Variants in DNAH3 observed in about 807,000 individuals in gnomAD.
DNAH3 encodes dynein axonemal heavy chain 3, also known as axonemal beta dynein heavy chain 3.
In DNAH3, 332 loss-of-function variants were observed where a neutral mutation model predicts 432.5. That is an observed-to-expected ratio of 0.77 (90% CI 0.70 to 0.84). DNAH3 has a LOEUF of 0.84. Ranked by LOEUF, DNAH3 falls within the 40% of genes least tolerant of loss-of-function variation. The pLI is 0.00. For missense variants in DNAH3, 4,861 were observed against 5,114.0 expected, an observed-to-expected ratio of 0.95 and a Z score of 1.51; for synonymous variants, 1,956 against 1,900.2, an observed-to-expected ratio of 1.03 and a Z score of -0.76.
In DNAH3 at chr16:20,964,956, TC is replaced by T. The variant is rs1567542268; in HGVS notation, c.8927del (p.Gly2976GlufsTer20). On this transcript the variant is annotated frameshift_variant, in exon 53 of 62. Coordinates refer to ENST00000261383, the Ensembl canonical transcript of DNAH3. LOFTEE classifies it high-confidence loss of function. ...CAGCTTCGGTCCATCTGTCCTTCTC[TC>T]CCCCAAGACCACTGATCAGTTTCTC... The T allele has an allele frequency of 1.2e-6, 2 of 1,614,082 alleles. No individual in the cohort carries two copies. Among genetic ancestry groups the T allele is most frequent in the East Asian group, 4.5e-5 (2 of 44,882 alleles).
rs765606113 is a variant in DNAH3 at position 21,039,851 on chromosome 16, C to T, written c.4730+1G>A. On this transcript the variant is annotated splice_donor_variant, in intron 33 of 61. Transcript: ENST00000261383. LOFTEE classifies it high-confidence loss of function. ...TGCACTGGAAAACCCATGTAACACA[C>T]CTTCTGGAGTCCAGAAACCCCATGG... The T allele has an allele frequency of 6.2e-7, 1 of 1,608,410 alleles. No individual in the cohort carries two copies. The highest frequency in any genetic ancestry group is 8.5e-7 in the Non-Finnish European group (1 of 1,174,860).
chr16:21,131,726 T>A (rs1451500478), intron 7 of DNAH3, among the ~76,000 whole-genome samples: 1 of 151,646 alleles, frequency 6.6e-6, no homozygotes, highest in Non-Finnish European at 1.5e-5. Flanking sequence ...TGGTGGCACA[T>A]GCCTGTAATC....
intron 40 of DNAH3, 96 bp downstream of exon 40, chr16:21,021,875 C>G: frequency 6.9e-7 from 1 of 1,450,666 alleles, no homozygotes; most frequent in South Asian, 1.3e-5. Context: ...TGCACTCTAG[C>G]CTTGGTGACA....
At chr16:20,979,755 ATATT>A (rs1247760185) in intron 49 of DNAH3, among the ~76,000 whole-genome samples, 1 of 152,022 alleles carries the variant, frequency 6.6e-6, no homozygotes. Flanking sequence ...AAATGATTTT[ATATT>A]TATTTATTGA....
At chr16:21,129,850 C>T (rs2092521436) in intron 7 of DNAH3, 2 of 151,966 alleles carry the variant, frequency 1.3e-5, no homozygotes, top group African/African-American at 4.8e-5. Context: ...AGCAGCCCCA[C>T]CCCAGCCCCA....
At chr16:21,025,356 TATATAATAGC>T (rs1436578081) in intron 38 of DNAH3, among the ~76,000 whole-genome samples, 1 of 148,218 alleles carries the variant, frequency 6.7e-6, no homozygotes, top group African/African-American at 2.5e-5. Context: ...AATAATATAG[TATATAATAGC>T]ATATAACCAT....
chr16:21,120,538 C>G, intron 11 of DNAH3: 1 of 603,988 alleles, frequency 1.7e-6, no homozygotes, highest in South Asian at 2.0e-5. Flanking sequence ...CTTCACTAAC[C>G]AGTTCAGAGA....
At chr16:20,998,893 A>G (rs558618165) in intron 43 of DNAH3, among the ~76,000 whole-genome samples, 5 of 152,284 alleles carry the variant, frequency 3.3e-5, no homozygotes, top group South Asian at 2.1e-4. Flanking sequence ...GGAAGATAGT[A>G]TTAACTCTAT....
At chr16:20,950,644 A>T (rs2084269596) in intron 56 of DNAH3, among the ~76,000 whole-genome samples, 2 of 152,148 alleles carry the variant, frequency 1.3e-5, no homozygotes, top group Non-Finnish European at 2.9e-5. Context: ...CAAACTCCTT[A>T]ACATATGGAG....
intron 35 of DNAH3, among the ~76,000 whole-genome samples, chr16:21,035,348 A>C (rs1288964580): frequency 6.6e-6 from 1 of 152,148 alleles, no homozygotes; most frequent in East Asian, 1.9e-4. Flanking sequence ...ATAAGAGAGG[A>C]AAACATTAAA....
intron 61 of DNAH3, among the ~76,000 whole-genome samples, chr16:20,933,812 G>A (rs1055846235): frequency 6.6e-6 from 1 of 152,196 alleles, no homozygotes; most frequent in Non-Finnish European, 1.5e-5. Context: ...TTCCCTTTCT[G>A]GATCTGGATT....
chr16:20,979,453 G>T, exon 50 of DNAH3: 1 of 1,614,112 alleles, frequency 6.2e-7, no homozygotes, highest in Non-Finnish European at 8.5e-7. Context: ...GGTAGGAGGT[G>T]GGGGTAACAT....
chr16:21,151,064 C>T (rs1401879146), intron 1 of DNAH3, among the ~76,000 whole-genome samples: 2 of 152,122 alleles, frequency 1.3e-5, no homozygotes, highest in East Asian at 1.9e-4. Flanking sequence ...TTGGAGACGT[C>T]GAAAAGCACA....
exon 57 of DNAH3, chr16:20,948,595 C>A (rs375723066): frequency 6.2e-7 from 1 of 1,614,096 alleles, no homozygotes; most frequent in Non-Finnish European, 8.5e-7. Context: ...CAGGAGACGC[C>A]GGTCTTTGTC....
rs2092440211 is a variant in DNAH3 at position 21,126,072 on chromosome 16, A to G, written c.1209-702T>C. ...CAGCTACTTGGGAGGCTGAGGCAGG[A>G]GAATCACTTGAACCTGGGAGATGGG... is the stretch of plus-strand genomic sequence containing the variant. On this transcript the variant is annotated intron_variant, in intron 8 of 61. Coordinates refer to ENST00000261383, the Ensembl canonical transcript of DNAH3. Among the ~76,000 whole-genome samples, 6 of 152,326 alleles carry G rather than the reference A, an allele frequency of 3.9e-5. No individual in the cohort carries two copies. In the South Asian group the frequency reaches 1.2e-3, roughly 32 times the overall value.
intron 18 of DNAH3, among the ~76,000 whole-genome samples, chr16:21,093,247 T>C (rs897880727): frequency 6.6e-6 from 1 of 152,208 alleles, no homozygotes; most frequent in Non-Finnish European, 1.5e-5. Flanking sequence ...ACTAAACATA[T>C]TCTTATCATA....
rs908159372 is a variant in DNAH3 at position 20,951,978 on chromosome 16, C to T, written c.11188+455G>A. Among the ~76,000 whole-genome samples, 9 of 150,538 alleles carry T rather than the reference C, an allele frequency of 6.0e-5. No individual in the cohort carries two copies. In the South Asian group the frequency reaches 8.4e-4, roughly 14 times the overall value. The stretch of plus-strand genomic sequence containing the variant: ...CAGGATGGTCTCGATCTCCTGACCT[C>T]GTGATCCGCCTGCCTCAGCCTCCCA... On this transcript the variant is annotated intron_variant, in intron 56 of 61. Coordinates refer to ENST00000261383, the Ensembl canonical transcript of DNAH3.
chr16:21,139,448 G>A (rs565621707), intron 5 of DNAH3, among the ~76,000 whole-genome samples: 1 of 147,050 alleles, frequency 6.8e-6, no homozygotes, highest in African/African-American at 2.5e-5. Flanking sequence ...GGGATAGGTT[G>A]TCTTGTCCTA....
chr16:20,933,300 C>T, exon 62 of DNAH3: 1 of 1,614,204 alleles, frequency 6.2e-7, no homozygotes, highest in Non-Finnish European at 8.5e-7. Context: ...GTTTTGTAGA[C>T]TGGACACACA....
Sources: gnomAD v4.1 joint callset for allele counts (sites outside exome capture counted in the v4.1 genomes callset) on GRCh38, gnomAD v4.1.1 for gene constraint, MANE v1.5 for transcripts, NCBI Gene and HGNC (gene_info 2026-07-23, HGNC 2026-07-21) for gene names.